Variants in CRADD observed in about 807,000 individuals in gnomAD.
CRADD encodes CARD and death domain containing adaptor protein, also known as death domain-containing protein CRADD.
Under a neutral mutation model 15.5 loss-of-function variants are expected in CRADD, and 9 were observed. That is an observed-to-expected ratio of 0.58 (90% CI 0.35 to 1.01). The LOEUF (loss-of-function observed/expected upper bound fraction) is 1.01, where lower values mean the gene tolerates loss of function less well. Among genes scored for constraint, CRADD ranks in the 50% least tolerant of loss-of-function variants. The pLI is 0.02. For synonymous variants in CRADD, 118 were observed against 107.6 expected (o/e 1.10, Z -0.60); for missense variants, 227 against 250.3 (o/e 0.91, Z 0.63).
chr12:93,775,899 T>A (rs978385403), intron 2 of CRADD, among the ~76,000 whole-genome samples: 1 of 152,250 alleles, frequency 6.6e-6, no homozygotes, highest in African/African-American at 2.4e-5. Flanking sequence ...TTTGTATTAT[T>A]TTAAAATATA....
At chr12:93,728,995 T>G (rs893410991) in intron 2 of CRADD, among the ~76,000 whole-genome samples, 2 of 152,166 alleles carry the variant, frequency 1.3e-5, no homozygotes, top group African/African-American at 4.8e-5. Flanking sequence ...TTGGGGCCAG[T>G]TATATTTCAA....
At chr12:93,882,123 C>CA (rs1223129932) in intron 2 of CRADD, among the ~76,000 whole-genome samples, 4 of 148,410 alleles carry the variant, frequency 2.7e-5, no homozygotes, top group Admixed American at 2.0e-4. Context: ...GACTCTGTTT[C>CA]AAAAAAAATT....
chr12:93,760,508 A>G (rs889192161), intron 2 of CRADD, among the ~76,000 whole-genome samples: 1 of 152,202 alleles, frequency 6.6e-6, no homozygotes, highest in African/African-American at 2.4e-5. Context: ...GTTTTTAGAA[A>G]ATAAGATGTC....
chr12:93,713,117 C>G (rs750557252), intron 2 of CRADD, among the ~76,000 whole-genome samples: 20 of 151,926 alleles, frequency 1.3e-4, no homozygotes, highest in Non-Finnish European at 2.6e-4. Flanking sequence ...GTACATTGAC[C>G]TCTGAAAGTT....
intron 2 of CRADD, chr12:93,831,019 A>G (rs975563679): frequency 3.9e-5 from 6 of 152,200 alleles, no homozygotes; most frequent in African/African-American, 1.4e-4. Flanking sequence ...GCATATTTGA[A>G]TTCACTAATA....
chr12:93,741,434 G>C lies in CRADD; in HGVS notation c.298+62362G>C, dbSNP rs557129608. Among the ~76,000 whole-genome samples, 5 of 152,174 alleles carry C rather than the reference G, an allele frequency of 3.3e-5. No individual in the cohort carries two copies. In the East Asian group the frequency reaches 9.6e-4, roughly 29 times the overall value. On this transcript the variant is annotated intron_variant, in intron 2 of 2. Transcript: ENST00000332896. ...AGGATTATAGCGTCCTTTCCTAAAGGTTATCATGAAAAAAAGTTAAAATGT... is the reference window on the plus strand; with the variant it reads ...AGGATTATAGCGTCCTTTCCTAAAGCTTATCATGAAAAAAAGTTAAAATGT...
At chr12:93,778,731 T>TC (rs1307905987) in intron 2 of CRADD, among the ~76,000 whole-genome samples, 8 of 151,896 alleles carry the variant, frequency 5.3e-5, no homozygotes, top group African/African-American at 1.9e-4. Flanking sequence ...TGGTTTTTTT[T>TC]TTTTTTTGGT....
chr12:93,839,591 G>A (rs114028294), intron 2 of CRADD, among the ~76,000 whole-genome samples: 11 of 152,102 alleles, frequency 7.2e-5, no homozygotes, highest in South Asian at 4.1e-4. Context: ...TCTACATCAC[G>A]TCCCAGCCTA....
At chr12:93,793,984 A>G (rs1348429527) in intron 2 of CRADD, among the ~76,000 whole-genome samples, 1 of 152,110 alleles carries the variant, frequency 6.6e-6, no homozygotes, top group East Asian at 1.9e-4. Flanking sequence ...CAGCCAACTG[A>G]AATTACCTTT....
rs771595851 is a variant in CRADD at position 93,850,286 on chromosome 12, A to G, written c.*15A>G. On this transcript the variant is annotated 3_prime_UTR_variant, in exon 3 of 3. Transcript: ENST00000332896. This position sits in a 1 kb window ranked among gnomAD's most constrained non-coding sequence, Gnocchi z 4.0. ...TGTTGGAGTGATGGTGCCTCCAGCA[A>G]CCGCTGGGGAGTGTGTCCCTGAGTC... 3.2e-5 allele frequency: 51 copies of G among 1,577,698 alleles called. 1 individual carries two copies. In the East Asian group the frequency reaches 1.1e-3, roughly 33 times the overall value.
chr12:93,765,555 G>A (rs1317399233), intron 2 of CRADD, among the ~76,000 whole-genome samples: 3 of 152,154 alleles, frequency 2.0e-5, no homozygotes, highest in Admixed American at 6.5e-5. Flanking sequence ...GTGGGGAGAA[G>A]GTAAGCCTCT....
intron 2 of CRADD, among the ~76,000 whole-genome samples, chr12:93,746,795 T>G (rs1281713487): frequency 2.0e-5 from 3 of 152,074 alleles, no homozygotes; most frequent in South Asian, 2.1e-4. Context: ...TTTTTTTTTT[T>G]TTGAAGAAGG....
intron 2 of CRADD, among the ~76,000 whole-genome samples, chr12:93,707,631 T>C (rs1460351195): frequency 6.6e-6 from 1 of 152,108 alleles, no homozygotes; most frequent in Non-Finnish European, 1.5e-5. Context: ...GAACACCAGT[T>C]CTCCTGCTTA....
rs147150629 is a variant in CRADD, at chr12:93,713,573, T to A, written c.298+34501T>A. Among the ~76,000 whole-genome samples the A allele has an allele frequency of 2.1e-3, 327 of 152,316 alleles. 2 individuals carry two copies. Among genetic ancestry groups the A allele is most frequent in the African/African-American group, 7.5e-3 (313 of 41,560 alleles). On this transcript the variant is annotated intron_variant, in intron 2 of 2. Coordinates refer to ENST00000332896, the MANE Select transcript of CRADD (RefSeq NM_003805.5). ...GGATAATTTATAATACCTAATACAA[T>A]ATAAATGCTTTGTAAATAGTTGTTA...
rs534755469 is a variant in CRADD, at chr12:93,846,996, C to G, written c.299-2974C>G. Among the ~76,000 whole-genome samples, 2 of 152,090 alleles carry G rather than the reference C, an allele frequency of 1.3e-5. 1 individual carries two copies. Among genetic ancestry groups the G allele is most frequent in the East Asian group, 3.8e-4 (2 of 5,196 alleles). ...TAGGCACCTGTAGTCCCAGCTGCTC[C>G]GGAGACTGAGGCAGAAGAATGGCAT... is the stretch of plus-strand genomic sequence containing the variant. On this transcript the variant is annotated intron_variant, in intron 2 of 2. Transcript: ENST00000332896.
intron 2 of CRADD, among the ~76,000 whole-genome samples, chr12:93,886,713 T>C (rs1958540065): frequency 6.6e-6 from 1 of 152,154 alleles, no homozygotes; most frequent in African/African-American, 2.4e-5. Context: ...AAACAAACAA[T>C]CCTATCATTT....
chr12:93,890,949 C>G, intron 2 of CRADD, among the ~76,000 whole-genome samples: 1 of 151,566 alleles, frequency 6.6e-6, no homozygotes, highest in Non-Finnish European at 1.5e-5. Context: ...GGGTTTTGCC[C>G]TGTTAGCCAG....
At chr12:93,706,971 A>T (rs1000165999) in intron 2 of CRADD, among the ~76,000 whole-genome samples, 4 of 152,176 alleles carry the variant, frequency 2.6e-5, no homozygotes, top group African/African-American at 9.7e-5. Flanking sequence ...TAATTCTGTG[A>T]CCTCTACAAT....
At chr12:93,835,803 T>C (rs990198417) in intron 2 of CRADD, among the ~76,000 whole-genome samples, 2 of 152,212 alleles carry the variant, frequency 1.3e-5, no homozygotes, top group African/African-American at 4.8e-5. Context: ...TACTCTGATA[T>C]GTTACTCACT....
Sources: allele counts gnomAD v4.1 joint callset (sites outside exome capture counted in the v4.1 genomes callset), GRCh38; gene constraint gnomAD v4.1.1; non-coding constraint Gnocchi (gnomAD v3.1); transcripts MANE v1.5; gene names NCBI Gene and HGNC (gene_info 2026-07-23, HGNC 2026-07-21).